HNRNPAB: variants seen among roughly 807,000 people sequenced by gnomAD.
HNRNPAB encodes the protein ABBP-1.
Under a neutral mutation model 44.1 loss-of-function variants are expected in HNRNPAB, and 17 were observed. That is an observed-to-expected ratio of 0.39 (90% CI 0.26 to 0.58). The LOEUF is 0.58. HNRNPAB is among the 20% of genes least tolerant of loss of function. The pLI, the probability that HNRNPAB is intolerant of heterozygous loss-of-function variation, is 0.63. For missense variants in HNRNPAB, 393 were observed against 432.7 expected (o/e 0.91, Z 0.81); for synonymous variants, 183 against 167.6 (o/e 1.09, Z -0.71).
intron 2 of HNRNPAB, 71 bp from the exon 3 acceptor site, chr5:178,205,771 G>A: frequency 1.3e-6 from 2 of 1,488,756 alleles, no homozygotes; most frequent in Non-Finnish European, 1.8e-6. Flanking sequence ...AACTTTGCCA[G>A]GGCCAGTCCT....
chr5:178,210,499 G>A, intron 7 of HNRNPAB, 54 bp from the exon 8 acceptor site: 1 of 1,565,208 alleles, frequency 6.4e-7, no homozygotes, highest in Non-Finnish European at 8.8e-7. Context: ...TCAAGCGCGT[G>A]GCACAGGGCA....
chr5:178,209,170 C>G (rs1016333975), intron 5 of HNRNPAB, among the ~76,000 whole-genome samples, 160 bp from the exon 6 acceptor site: 1 of 152,218 alleles, frequency 6.6e-6, no homozygotes, highest in Non-Finnish European at 1.5e-5. Context: ...GTTGGGATTC[C>G]ATGAGCTTTA....
In HNRNPAB at chr5:178,210,266, G is replaced by A. The variant is rs528992480; in HGVS notation, c.922G>A (p.Asp308Asn). The change falls in exon 7 of 8, where the codon GAC becomes AAC. Residue 308 changes from aspartate (D) to asparagine (N), a missense_variant. Coordinates refer to ENST00000358344, the MANE Select transcript of HNRNPAB (RefSeq NM_031266.3). Reference sequence around the variant, plus strand: ...CTATTACGGCTACGGCCCCGGCTACGACTACAGTAAGTAGGAGAGAGGGAG... The same window carrying A: ...CTATTACGGCTACGGCCCCGGCTACAACTACAGTAAGTAGGAGAGAGGGAG... Reference protein sequence around the residue: ...YGYYGYGPGYDYSQGSTNYGK... With the variant: ...YGYYGYGPGYNYSQGSTNYGK... The A allele has an allele frequency of 5.0e-6, 8 of 1,614,094 alleles. No homozygotes were observed. The highest frequency in any genetic ancestry group is 2.2e-5 in the South Asian group (2 of 91,076).
In HNRNPAB at chr5:178,204,588, G is replaced by A. The variant is rs1157703265; in HGVS notation, c.-176G>A. On this transcript the variant is annotated 5_prime_UTR_variant, in exon 1 of 8. Transcript: ENST00000358344. ...GCTGTTGGTCGGTGGGTTCCCGTGC[G>A]GCGGCGGCCAAGGAGGAGGAGACAC... The A allele has an allele frequency of 1.6e-5, 4 of 248,702 alleles. No homozygotes were observed. In the East Asian group the frequency reaches 3.1e-4, roughly 19 times the overall value. The allele number at this position is 248,702 out of a possible 1,614,324, so 15.4% of individuals were successfully genotyped here.
intron 4 of HNRNPAB, 40 bp downstream of exon 4, chr5:178,206,930 A>C: frequency 6.2e-7 from 1 of 1,609,344 alleles, no homozygotes; most frequent in African/African-American, 1.3e-5. Flanking sequence ...GCTGCCCCTA[A>C]GGCTGCCTTC....
chr5:178,204,794 C>T, intron 1 of HNRNPAB, 21 bp from the exon 2 acceptor site: 1 of 1,173,840 alleles, frequency 8.5e-7, no homozygotes, highest in Non-Finnish European at 1.1e-6. Context: ...CGGCCTGACG[C>T]GCTGTCGCCG....
intron 5 of HNRNPAB, chr5:178,208,820 CCCCCCA>C (rs1757280539): frequency 6.5e-6 from 1 of 153,054 alleles, no homozygotes; most frequent in South Asian, 2.0e-4. Context: ...TCGGGCAGGC[CCCCCCA>C]CCCTGAGCCT....
At chr5:178,207,728 A>G in intron 5 of HNRNPAB, among the ~76,000 whole-genome samples, 1 of 105,688 alleles carries the variant, frequency 9.5e-6, no homozygotes, top group Non-Finnish European at 1.8e-5. Flanking sequence ...TTTGAGACAG[A>G]GTCTTGCTTT....
chr5:178,210,121 TC>T lies in HNRNPAB; in HGVS notation c.788-5del, dbSNP rs1554103711. 6.2e-7 allele frequency: 1 copy of T among 1,613,640 alleles called. No homozygotes were observed. Among genetic ancestry groups the T allele is most frequent in the Non-Finnish European group, 8.5e-7 (1 of 1,179,898 alleles). On this transcript the variant is annotated splice_polypyrimidine_tract_variant and intron_variant, in intron 6 of 7. Coordinates refer to ENST00000358344, the MANE Select transcript of HNRNPAB (RefSeq NM_031266.3). ...TGGTCCACGGGCCCCTGTGCCCTGC[TC>T]CCCCCACAGGTCAGAGTCAGAGTTG...
chr5:178,210,109 CCT>C (rs1305874492), intron 6 of HNRNPAB, 21 bp from the exon 7 acceptor site: 2 of 1,613,382 alleles, frequency 1.2e-6, no homozygotes, highest in South Asian at 2.2e-5. Flanking sequence ...TCCACGGGCC[CCT>C]GTGCCCTGCT....
At position 178,204,927 on chromosome 5, in the gene HNRNPAB, CGGGGCTGGCACGGGCGCCGCGGCG is replaced by C; in HGVS notation, c.99_122del (p.Thr34_Gly41del). On this transcript the variant is annotated inframe_deletion, in exon 2 of 8. Transcript: ENST00000358344. ...CCGTCCCCGAAGGCGAGTCGCCGGC[CGGGGCTGGCACGGGCGCCGCGGCG>C]GGGGCTGGAGGCGCGACCGCGGCGC... The C allele has an allele frequency of 5.0e-6, 6 of 1,210,134 alleles. No individual in the cohort carries two copies. Among genetic ancestry groups the C allele is most frequent in the Admixed American group, 4.4e-5 (1 of 22,906 alleles). 75.0% of individuals were successfully genotyped at this position (1,210,134 alleles called of 1,614,324 possible). A position where few individuals can be genotyped will look rare whatever the true frequency, so the allele number is the denominator to read the frequency against.
chr5:178,204,753 C>T lies in HNRNPAB; in HGVS notation c.-24+13C>T. 2.3e-6 allele frequency: 2 copies of T among 884,028 alleles called. No homozygotes were observed. The highest frequency in any genetic ancestry group is 1.8e-5 in the African/African-American group (1 of 56,276). The allele number at this position is 884,028 out of a possible 1,614,324, so 54.8% of individuals were successfully genotyped here. A position where few individuals can be genotyped will look rare whatever the true frequency, so the allele number is the denominator to read the frequency against. ...CATCGGCGGCGAGGTGAGCGGCGGC[C>T]GGCGGGCGGGAGCTCTGGCGGGAGC... On this transcript the variant is annotated intron_variant, in intron 1 of 7. Transcript: ENST00000358344.
chr5:178,205,184 T>C, intron 2 of HNRNPAB, 138 bp downstream of exon 2: 1 of 536,490 alleles, frequency 1.9e-6, no homozygotes, highest in Non-Finnish European at 2.6e-6. Context: ...GCCGCTGCGT[T>C]CGCGGGCCGG....
intron 2 of HNRNPAB, chr5:178,205,599 C>T (rs947057330): frequency 1.1e-5 from 5 of 475,306 alleles, no homozygotes; most frequent in African/African-American, 3.8e-5. Flanking sequence ...TCCCATACCC[C>T]TGGTGAGGTG....
At chr5:178,210,370 A>G in intron 7 of HNRNPAB, 98 bp downstream of exon 7, 1 of 1,592,672 alleles carries the variant, frequency 6.3e-7, no homozygotes, top group South Asian at 1.1e-5. Context: ...TTGGAGTCAG[A>G]CAGGCCTGGC....
chr5:178,207,265 G>A, intron 5 of HNRNPAB, 40 bp downstream of exon 5: 2 of 1,611,114 alleles, frequency 1.2e-6, no homozygotes, highest in Non-Finnish European at 1.7e-6. Context: ...CTGTGCTGCT[G>A]GAGAGCTGGC....
chr5:178,210,329 G>A, intron 7 of HNRNPAB, 57 bp downstream of exon 7: 11 of 1,610,860 alleles, frequency 6.8e-6, no homozygotes, highest in South Asian at 1.1e-5. Context: ...GGGGAGGCAG[G>A]ACAGTGTAGG....
At position 178,207,139 on chromosome 5, in the gene HNRNPAB, C is replaced by T. The variant is rs1757100570; in HGVS notation, c.583C>T (p.Arg195Ter). Residue 195 changes from arginine (R) to a stop codon, truncating the protein, a stop_gained, in exon 5 of 8, where the codon CGA becomes TGA. Coordinates refer to ENST00000358344, the MANE Select transcript of HNRNPAB (RefSeq NM_031266.3). LOFTEE classifies it high-confidence loss of function. ...LPMDPKLNKR[R>*]GFVFITFKEE... ...AATGGATCCAAAGTTGAACAAAAGA[C>T]GAGGTTTTGTGTTTATCACCTTTAA... 3 of 1,613,936 alleles carry T rather than the reference C, an allele frequency of 1.9e-6. No homozygotes were observed. The highest frequency in any genetic ancestry group is 1.3e-5 in the African/African-American group (1 of 74,884).
intron 3 of HNRNPAB, 47 bp from the exon 4 acceptor site, chr5:178,206,685 T>C: frequency 6.3e-7 from 1 of 1,591,694 alleles, no homozygotes; most frequent in Non-Finnish European, 8.6e-7. Flanking sequence ...AAGGGCCTTG[T>C]CTGGCTCGTG....
Sources: allele counts gnomAD v4.1 joint callset (sites outside exome capture counted in the v4.1 genomes callset), GRCh38; gene constraint gnomAD v4.1.1; transcripts MANE v1.5; gene names NCBI Gene and HGNC (gene_info 2026-07-23, HGNC 2026-07-21).